Variants in RPS6KC1 observed in about 807,000 individuals in gnomAD.
The protein encoded by RPS6KC1 is inactive ribosomal protein S6 kinase delta-1.
Under a neutral mutation model 103.8 loss-of-function variants are expected in RPS6KC1, and 54 were observed. The observed-to-expected ratio is 0.52, with a 90% CI of 0.42 to 0.65. RPS6KC1 has a LOEUF of 0.65. RPS6KC1 is among the 30% of genes least tolerant of loss of function. RPS6KC1 has a pLI of 0.00. For synonymous variants in RPS6KC1, 439 were observed against 438.7 expected, an observed-to-expected ratio of 1.00 and a Z score of -0.01; for missense variants, 1,151 against 1,253.8, an observed-to-expected ratio of 0.92 and a Z score of 1.24.
chr1:213,261,487 TA>T, intron 12 of RPS6KC1, 70 bp from the exon 13 acceptor site: 1 of 1,345,254 alleles, frequency 7.4e-7, no homozygotes. Context: ...GTCACCTTGC[TA>T]ATACATGTTA....
the RPS6KC1 span, among the ~76,000 whole-genome samples, chr1:213,365,890 A>G: frequency 1.3e-5 from 2 of 152,240 alleles, no homozygotes; most frequent in African/African-American, 4.8e-5. Flanking sequence ...TATGTAATGA[A>G]TGGGTGAGAT....
chr1:213,407,290 G>A, the RPS6KC1 span, among the ~76,000 whole-genome samples: 1 of 152,168 alleles, frequency 6.6e-6, no homozygotes, highest in African/African-American at 2.4e-5. Context: ...GGCACAAAGG[G>A]CGGCATGATT....
chr1:213,780,766 G>A, the RPS6KC1 span, among the ~76,000 whole-genome samples: 17 of 152,320 alleles, frequency 1.1e-4, 1 homozygote, highest in African/African-American at 3.4e-4. Context: ...GTGCATGCCT[G>A]TAATTCCAAC....
chr1:213,200,967 C>T (rs1288582369), intron 8 of RPS6KC1, among the ~76,000 whole-genome samples: 1 of 152,106 alleles, frequency 6.6e-6, no homozygotes, highest in Non-Finnish European at 1.5e-5. Context: ...TGGGGCCTGT[C>T]AGAGGGTGGC....
chr1:213,759,349 A>G, the RPS6KC1 span, among the ~76,000 whole-genome samples: 1 of 152,246 alleles, frequency 6.6e-6, no homozygotes, highest in Non-Finnish European at 1.5e-5. Context: ...CTGGAAAATC[A>G]AAAAGTTCAT....
At chr1:213,565,452 C>T in the RPS6KC1 span, among the ~76,000 whole-genome samples, 1 of 152,122 alleles carries the variant, frequency 6.6e-6, no homozygotes, top group East Asian at 1.9e-4. Context: ...ACTCCTGGTA[C>T]GTGTAACACC....
In RPS6KC1 at chr1:213,242,230, T is replaced by G. The variant is rs1328225394; in HGVS notation, c.2754T>G (p.Asp918Glu). 1 of 1,614,026 alleles carries G rather than the reference T, an allele frequency of 6.2e-7. No individual in the cohort carries two copies. The highest frequency in any genetic ancestry group is 2.2e-5 in the East Asian group (1 of 44,882). ...CAGCTGAAATGGTGGTAGCCCTTGA[T>G]GCTTTACATAGAGAGGGAATTGTGT... ...RWAAEMVVALDALHREGIVCR... is the reference protein window; with the variant it reads ...RWAAEMVVALEALHREGIVCR... The change falls in exon 11 of 15, where the codon GAT becomes GAG. Residue 918 changes from aspartate to glutamate, a missense_variant. Asp to Glu is a conservative substitution (Grantham distance 45). Around this residue, in one of 3 missense-constraint regions of RPS6KC1, gnomAD observed 189 missense variants for 228.8 expected, o/e 0.83. Coordinates refer to ENST00000366960, the MANE Select transcript of RPS6KC1 (RefSeq NM_012424.6).
At chr1:213,728,954 T>TG in the RPS6KC1 span, among the ~76,000 whole-genome samples, 1 of 141,140 alleles carries the variant, frequency 7.1e-6, no homozygotes, top group Non-Finnish European at 1.5e-5. Flanking sequence ...TTTTGTTTTT[T>TG]TTTTTTTTTT....
chr1:213,362,389 A>T, the RPS6KC1 span, among the ~76,000 whole-genome samples: 1 of 152,326 alleles, frequency 6.6e-6, no homozygotes, highest in Non-Finnish European at 1.5e-5. Flanking sequence ...GCTAGGCAAC[A>T]TTCTAAGTGC....
chr1:213,306,974 C>T, the RPS6KC1 span, among the ~76,000 whole-genome samples: 1 of 151,966 alleles, frequency 6.6e-6, no homozygotes, highest in Admixed American at 6.6e-5. Flanking sequence ...TTTGACTGTT[C>T]AGTGGCCAGT....
At chr1:213,780,455 C>A in the RPS6KC1 span, among the ~76,000 whole-genome samples, 1 of 152,184 alleles carries the variant, frequency 6.6e-6, no homozygotes, top group South Asian at 2.1e-4. Context: ...AATAGGAGAT[C>A]CAGCCCTGGG....
the RPS6KC1 span, among the ~76,000 whole-genome samples, chr1:213,787,931 GC>G: frequency 1.3e-5 from 2 of 152,062 alleles, no homozygotes; most frequent in Non-Finnish European, 2.9e-5. Flanking sequence ...GGGAGTGGAG[GC>G]CAGGACACCA....
chr1:213,779,350 C>G, the RPS6KC1 span, among the ~76,000 whole-genome samples: 2 of 152,194 alleles, frequency 1.3e-5, no homozygotes, highest in African/African-American at 2.4e-5. Flanking sequence ...TGACTCATAT[C>G]TCCGGACAAG....
At chr1:213,117,163 TG>T (rs779650728) in intron 4 of RPS6KC1, among the ~76,000 whole-genome samples, 153 bp from the exon 5 acceptor site, 1 of 152,170 alleles carries the variant, frequency 6.6e-6, no homozygotes, top group Non-Finnish European at 1.5e-5. Context: ...ATATACCTAT[TG>T]TTTTTTTTTG....
chr1:213,704,730 C>G, the RPS6KC1 span, among the ~76,000 whole-genome samples: 2 of 152,182 alleles, frequency 1.3e-5, no homozygotes, highest in Non-Finnish European at 2.9e-5. Context: ...GTATTTTATT[C>G]TTCTCAGTCT....
At chr1:213,492,947 G>A in the RPS6KC1 span, among the ~76,000 whole-genome samples, 4 of 152,190 alleles carry the variant, frequency 2.6e-5, no homozygotes, top group African/African-American at 4.8e-5. Flanking sequence ...AAGTAGAGCC[G>A]CATTCTAGAA....
At chr1:213,598,170 G>A in the RPS6KC1 span, among the ~76,000 whole-genome samples, 1 of 152,206 alleles carries the variant, frequency 6.6e-6, no homozygotes, top group Non-Finnish European at 1.5e-5. Context: ...CTTCAGAGCT[G>A]CAGATATTGC....
the RPS6KC1 span, among the ~76,000 whole-genome samples, chr1:213,655,141 C>G: frequency 6.6e-6 from 1 of 152,238 alleles, no homozygotes; most frequent in East Asian, 1.9e-4. Flanking sequence ...CTCCCAGGCT[C>G]AAGTGATTTT....
chr1:213,094,131 G>GT (rs1179133344), intron 3 of RPS6KC1, among the ~76,000 whole-genome samples: 2 of 147,988 alleles, frequency 1.4e-5, no homozygotes, highest in South Asian at 2.1e-4. Context: ...ATATATATAC[G>GT]TTTTTTTCCA....
Sources: allele counts gnomAD v4.1 joint callset (sites outside exome capture counted in the v4.1 genomes callset), GRCh38; gene constraint gnomAD v4.1.1; regional missense constraint gnomAD v4.1.1; transcripts MANE v1.5; gene names NCBI Gene and HGNC (gene_info 2026-07-23, HGNC 2026-07-21).